Variants in CNGB3 observed in about 807,000 individuals in gnomAD.
CNGB3 encodes cyclic nucleotide gated channel subunit beta 3.
A neutral mutation model predicts 92.8 loss-of-function variants in CNGB3; 86 were observed. That is an observed-to-expected ratio of 0.93 (90% CI 0.78 to 1.11). CNGB3 has a LOEUF of 1.11. Among genes scored for constraint, CNGB3 ranks in the 50% least tolerant of loss-of-function variants. CNGB3 has a pLI of 0.00. For synonymous variants in CNGB3, 333 were observed against 332.7 expected (o/e 1.00, Z -0.01); for missense variants, 1,026 against 956.8 (o/e 1.07, Z -0.95).
chr8:86,612,812 A>G (rs1008599945), intron 13 of CNGB3, among the ~76,000 whole-genome samples: 7 of 152,244 alleles, frequency 4.6e-5, no homozygotes, highest in African/African-American at 1.7e-4. Context: ...GGCCAAGGCC[A>G]GAAGACATAT....
intron 7 of CNGB3, among the ~76,000 whole-genome samples, chr8:86,652,109 G>T (rs1194690054): frequency 6.6e-6 from 1 of 151,968 alleles, no homozygotes; most frequent in Non-Finnish European, 1.5e-5. Context: ...TTACTGTACA[G>T]CATGTTACTG....
chr8:86,676,012 C>T (rs949672341), intron 3 of CNGB3, among the ~76,000 whole-genome samples: 5 of 152,004 alleles, frequency 3.3e-5, no homozygotes, highest in Admixed American at 2.0e-4. Flanking sequence ...CGGGGAAGTC[C>T]ACTGTGAAAA....
rs548458459 is a variant in CNGB3, at chr8:86,721,719, T to C, written c.338+4812A>G. ...AAAATTGGCAAGTGTGTAGCTGGTT[T>C]CCCTTTTTTAAAAAAAATGCTTATA... is the stretch of plus-strand genomic sequence containing the variant. On this transcript the variant is annotated intron_variant, in intron 3 of 17. Transcript: ENST00000320005. Among the ~76,000 whole-genome samples the C allele has an allele frequency of 3.9e-5, 6 of 152,284 alleles. No individual in the cohort carries two copies. In the East Asian group the frequency reaches 1.2e-3, roughly 29 times the overall value.
intron 10 of CNGB3, among the ~76,000 whole-genome samples, chr8:86,638,859 T>G (rs1466400802): frequency 6.7e-6 from 1 of 150,334 alleles, no homozygotes; most frequent in Non-Finnish European, 1.5e-5. Context: ...GTTTGTTTGT[T>G]TGTTTTTGTT....
At chr8:86,662,980 A>G (rs769789284) in intron 6 of CNGB3, among the ~76,000 whole-genome samples, 1 of 152,216 alleles carries the variant, frequency 6.6e-6, no homozygotes, top group Non-Finnish European at 1.5e-5. Flanking sequence ...AGTTTCTTCA[A>G]GTTAATGCTA....
intron 3 of CNGB3, among the ~76,000 whole-genome samples, chr8:86,715,468 A>G (rs544637704): frequency 1.3e-5 from 2 of 152,134 alleles, no homozygotes; most frequent in South Asian, 4.2e-4. Flanking sequence ...GTTCAGCCCT[A>G]AAGAAGCCCC....
At chr8:86,676,046 T>C (rs1823960794) in intron 3 of CNGB3, among the ~76,000 whole-genome samples, 1 of 152,276 alleles carries the variant, frequency 6.6e-6, no homozygotes, top group South Asian at 2.1e-4. Context: ...GAAAAACACC[T>C]GGTCTGCAGC....
At chr8:86,659,864 A>T in intron 6 of CNGB3, 1 of 426,018 alleles carries the variant, frequency 2.3e-6, no homozygotes, top group Non-Finnish European at 4.7e-6. Flanking sequence ...CCTTCAGGTT[A>T]GCAGATGATG....
chr8:86,647,731 G>GATTTCCATTATAGGGAAATAGAAAT lies in CNGB3; in HGVS notation c.990+45_990+69dup, dbSNP rs1823316166. ...TTTAAGATACTTTAAATTGTTTCAA[G>GATTTCCATTATAGGGAAATAGAAAT]ATTTCCATTATAGGGAAATAGAAAT... On this transcript the variant is annotated intron_variant, in intron 8 of 17. Coordinates refer to ENST00000320005, the MANE Select transcript of CNGB3 (RefSeq NM_019098.5). The GATTTCCATTATAGGGAAATAGAAAT allele has an allele frequency of 6.7e-6, 6 of 891,304 alleles. No homozygotes were observed. The Admixed American group carries it at 8.8e-5, about 13-fold the overall frequency. The allele number at this position is 891,304 out of a possible 1,614,324, so 55.2% of individuals were successfully genotyped here. A position where few individuals can be genotyped will look rare whatever the true frequency, so the allele number is the denominator to read the frequency against.
Position 86,574,498 on chromosome 8 carries a change from A to T in CNGB3, c.*1306T>A, listed in dbSNP as rs1821621906. ...TCTAACACTACATGCAAAAACGGTGACTCTATCAAATGATGCAGTTTATTA... is the reference window on the plus strand; with the variant it reads ...TCTAACACTACATGCAAAAACGGTGTCTCTATCAAATGATGCAGTTTATTA... On this transcript the variant is annotated 3_prime_UTR_variant, in exon 18 of 18. Transcript: ENST00000320005. 1 of 152,154 alleles carries T rather than the reference A, an allele frequency of 6.6e-6. No individual in the cohort carries two copies. The highest frequency in any genetic ancestry group is 2.4e-5 in the African/African-American group (1 of 41,426). 9.4% of individuals were successfully genotyped at this position (152,154 alleles called of 1,614,324 possible).
intron 2 of CNGB3, among the ~76,000 whole-genome samples, chr8:86,734,958 G>A (rs1258130653): frequency 6.7e-6 from 1 of 148,432 alleles, no homozygotes; most frequent in Non-Finnish European, 1.5e-5. Flanking sequence ...GACACTCAAA[G>A]ATGTTAAATG....
At chr8:86,709,657 G>A (rs192450073) in intron 3 of CNGB3, among the ~76,000 whole-genome samples, 190 of 152,002 alleles carry the variant, frequency 1.2e-3, no homozygotes, top group African/African-American at 4.2e-3. Context: ...TTACCGCATT[G>A]TACAACAAAC....
chr8:86,624,516 C>G (rs1184277238), intron 13 of CNGB3, among the ~76,000 whole-genome samples: 1 of 152,130 alleles, frequency 6.6e-6, no homozygotes, highest in Non-Finnish European at 1.5e-5. Flanking sequence ...TCACTCTTCT[C>G]TGACTACTCT....
At chr8:86,594,098 G>A in intron 15 of CNGB3, 2 of 311,380 alleles carry the variant, frequency 6.4e-6, no homozygotes, top group Non-Finnish European at 6.4e-6. Context: ...TGGAGGTCGG[G>A]ATTGTCCTGA....
intron 3 of CNGB3, among the ~76,000 whole-genome samples, chr8:86,680,212 T>C (rs1047795982): frequency 1.3e-5 from 2 of 152,044 alleles, no homozygotes; most frequent in African/African-American, 4.8e-5. Context: ...CAGAAAAAAA[T>C]GTTGTGAAAA....
chr8:86,729,988 G>A (rs1825131624), intron 2 of CNGB3, among the ~76,000 whole-genome samples: 1 of 152,270 alleles, frequency 6.6e-6, no homozygotes, highest in African/African-American at 2.4e-5. Context: ...ATTCTTCCCT[G>A]GAATGTGTAC....
intron 6 of CNGB3, chr8:86,658,682 C>T: frequency 7.9e-6 from 3 of 380,358 alleles, no homozygotes; most frequent in African/African-American, 2.1e-5. Context: ...GCTCACCCAG[C>T]TTCTCGCTCG....
intron 15 of CNGB3, among the ~76,000 whole-genome samples, chr8:86,589,262 A>T (rs1181565762): frequency 1.3e-5 from 2 of 149,764 alleles, no homozygotes; most frequent in Non-Finnish European, 3.0e-5. Flanking sequence ...GCGGTCTATC[A>T]ATTTTGTTGA....
At chr8:86,735,138 G>T (rs1825226699) in intron 2 of CNGB3, among the ~76,000 whole-genome samples, 2 of 14,158 alleles carry the variant, frequency 1.4e-4, no homozygotes, top group Non-Finnish European at 2.4e-4. Context: ...TTTTTAAAAT[G>T]GTTGCCTTTT....
Sources: allele counts gnomAD v4.1 joint callset (sites outside exome capture counted in the v4.1 genomes callset), GRCh38; gene constraint gnomAD v4.1.1; transcripts MANE v1.5; gene names NCBI Gene and HGNC (gene_info 2026-07-23, HGNC 2026-07-21).